The following MOSMO variants were observed in gnomAD, a reference collection of about 807,000 sequenced individuals.
MOSMO encodes modulator of smoothened.
Under a neutral mutation model 18.4 loss-of-function variants are expected in MOSMO, and 5 were observed. That is an observed-to-expected ratio of 0.27 (90% CI 0.14 to 0.57). The LOEUF is 0.57. Ranked by LOEUF, MOSMO falls within the 20% of genes least tolerant of loss-of-function variation. The pLI is 0.92. For missense variants in MOSMO, 138 were observed against 211.8 expected, an observed-to-expected ratio of 0.65 and a Z score of 2.16; for synonymous variants, 82 against 82.3, an observed-to-expected ratio of 1.00 and a Z score of 0.02.
At chr16:22,053,981 G>A (rs918377671) in intron 1 of MOSMO, among the ~76,000 whole-genome samples, 3 of 152,162 alleles carry the variant, frequency 2.0e-5, no homozygotes, top group Admixed American at 6.5e-5. Context: ...TAGAGAGAAA[G>A]GAGAGTCATT....
chr16:22,027,780 G>A (rs1899906242), intron 1 of MOSMO, among the ~76,000 whole-genome samples: 1 of 152,146 alleles, frequency 6.6e-6, no homozygotes, highest in African/African-American at 2.4e-5. Flanking sequence ...CTCTACTTGT[G>A]CAGTGACAAG....
intron 1 of MOSMO, among the ~76,000 whole-genome samples, chr16:22,039,056 C>A (rs1412544684): frequency 6.6e-6 from 1 of 152,150 alleles, no homozygotes; most frequent in Non-Finnish European, 1.5e-5. Flanking sequence ...CATACTGAAT[C>A]ATATCAGTTT....
At chr16:22,069,833 A>AT (rs1900813512) in intron 1 of MOSMO, among the ~76,000 whole-genome samples, 1 of 152,178 alleles carries the variant, frequency 6.6e-6, no homozygotes, top group African/African-American at 2.4e-5. Flanking sequence ...AGAAAGCATG[A>AT]TGCCCCTGGA....
chr16:22,012,303 A>G (rs1447745467), intron 1 of MOSMO, among the ~76,000 whole-genome samples: 1 of 152,168 alleles, frequency 6.6e-6, no homozygotes, highest in African/African-American at 2.4e-5. Flanking sequence ...GCTTTAGGGC[A>G]GGTTCTTTAG....
chr16:22,067,613 A>G (rs1043015977), intron 1 of MOSMO, among the ~76,000 whole-genome samples: 2 of 152,154 alleles, frequency 1.3e-5, no homozygotes, highest in Non-Finnish European at 2.9e-5. Flanking sequence ...TAATCCCAGC[A>G]CTTTGGGAGG....
chr16:22,047,656 T>C (rs1324212205), intron 1 of MOSMO, among the ~76,000 whole-genome samples: 2 of 152,070 alleles, frequency 1.3e-5, no homozygotes, highest in African/African-American at 4.8e-5. Context: ...TATATGCAGG[T>C]TTTTCTGTGG....
intron 1 of MOSMO, among the ~76,000 whole-genome samples, chr16:22,015,462 G>A (rs1380125519): frequency 1.3e-5 from 2 of 151,964 alleles, no homozygotes; most frequent in Non-Finnish European, 2.9e-5. Context: ...GTGGACATTT[G>A]GACCACTCAG....
chr16:22,076,277 A>C (rs922606762), intron 2 of MOSMO: 6 of 152,328 alleles, frequency 3.9e-5, no homozygotes, highest in African/African-American at 1.4e-4. Flanking sequence ...ACAACACATC[A>C]GAGATTTATC....
intron 1 of MOSMO, among the ~76,000 whole-genome samples, chr16:22,047,158 T>A (rs1236744004): frequency 6.6e-6 from 1 of 151,936 alleles, no homozygotes; most frequent in Non-Finnish European, 1.5e-5. Flanking sequence ...TTTGCTTTTT[T>A]CTCATGTGTT....
At chr16:22,039,993 A>G (rs1422719572) in intron 1 of MOSMO, among the ~76,000 whole-genome samples, 1 of 152,218 alleles carries the variant, frequency 6.6e-6, no homozygotes, top group Non-Finnish European at 1.5e-5. Flanking sequence ...CAGCACCCAG[A>G]ATGTGCCTAG....
intron 2 of MOSMO, among the ~76,000 whole-genome samples, chr16:22,078,523 A>G (rs1901017148): frequency 6.6e-6 from 1 of 152,200 alleles, no homozygotes; most frequent in African/African-American, 2.4e-5. Flanking sequence ...TGATTACTCC[A>G]TTATAAAGGA....
At chr16:22,069,356 G>T (rs1900804732) in intron 1 of MOSMO, among the ~76,000 whole-genome samples, 1 of 152,180 alleles carries the variant, frequency 6.6e-6, no homozygotes, top group African/African-American at 2.4e-5. Flanking sequence ...TGAAAGACTA[G>T]AAGCAGTATA....
intron 1 of MOSMO, among the ~76,000 whole-genome samples, chr16:22,032,926 A>G (rs1294156500): frequency 1.3e-5 from 2 of 152,190 alleles, no homozygotes; most frequent in South Asian, 4.1e-4. Flanking sequence ...TCCCACTGCT[A>G]CTTATCAAAA....
At chr16:22,043,381 T>C (rs1291502986) in intron 1 of MOSMO, among the ~76,000 whole-genome samples, 5 of 152,212 alleles carry the variant, frequency 3.3e-5, no homozygotes, top group Non-Finnish European at 7.3e-5. Flanking sequence ...ATTTGACACA[T>C]ATAGGGATTA....
chr16:22,020,291 A>AT (rs1204620607), intron 1 of MOSMO, among the ~76,000 whole-genome samples: 2,246 of 122,492 alleles, frequency 0.018, 67 homozygotes, highest in Admixed American at 0.033. Flanking sequence ...CCTGACTTTA[A>AT]TTTTTTTTTT....
At chr16:22,048,923 G>T (rs35047890) in intron 1 of MOSMO, among the ~76,000 whole-genome samples, 2,559 of 151,892 alleles carry the variant, frequency 0.017, 37 homozygotes, top group Non-Finnish European at 0.028. Flanking sequence ...CACTATAACC[G>T]GTTGCCCCCG....
intron 1 of MOSMO, among the ~76,000 whole-genome samples, chr16:22,043,901 A>T (rs1336855105): frequency 6.6e-6 from 1 of 152,226 alleles, no homozygotes; most frequent in African/African-American, 2.4e-5. Flanking sequence ...TATAAAGAAA[A>T]AGAGGTTTAA....
At chr16:22,019,141 T>C (rs1899701647) in intron 1 of MOSMO, among the ~76,000 whole-genome samples, 1 of 152,202 alleles carries the variant, frequency 6.6e-6, no homozygotes, top group Non-Finnish European at 1.5e-5. Flanking sequence ...CATGTGCTTG[T>C]ACCAGAAACC....
intron 1 of MOSMO, among the ~76,000 whole-genome samples, chr16:22,032,548 C>A (rs765215444): frequency 5.9e-5 from 9 of 151,956 alleles, no homozygotes; most frequent in Non-Finnish European, 1.0e-4. Context: ...TAACAGTTCT[C>A]TTTTCTTTTG....
Sources: gnomAD v4.1 joint callset for allele counts (sites outside exome capture counted in the v4.1 genomes callset) on GRCh38, gnomAD v4.1.1 for gene constraint, MANE v1.5 for transcripts, NCBI Gene and HGNC (gene_info 2026-07-23, HGNC 2026-07-21) for gene names.